The following SLC31A1 variants were observed in gnomAD, a reference collection of about 807,000 sequenced individuals.
The protein encoded by SLC31A1 is solute carrier family 31 member 1, also known as high affinity copper uptake protein 1.
A neutral mutation model predicts 17.2 loss-of-function variants in SLC31A1; 5 were observed. That is an observed-to-expected ratio of 0.29 (90% confidence interval 0.15 to 0.61). The LOEUF (loss-of-function observed/expected upper bound fraction) is 0.61, where lower values mean the gene tolerates loss of function less well. SLC31A1 is among the 20% of genes least tolerant of loss of function. The probability of loss-of-function intolerance (pLI) is 0.86; values close to 1 mark genes in which losing one functional copy is unlikely to be tolerated. For synonymous variants in SLC31A1, 76 were observed against 78.8 expected (o/e 0.96, Z 0.19); for missense variants, 161 against 241.4 (o/e 0.67, Z 2.21).
Position 113,261,472 on chromosome 9 carries a change from A to C in SLC31A1, c.*999A>C, listed in dbSNP as rs1183872962. 2 of 152,654 alleles carry C rather than the reference A, an allele frequency of 1.3e-5. No individual in the cohort carries two copies. Among genetic ancestry groups the C allele is most frequent in the Non-Finnish European group, 2.9e-5 (2 of 68,044 alleles). 9.5% of individuals were successfully genotyped at this position (152,654 alleles called of 1,614,324 possible). On this transcript the variant is annotated 3_prime_UTR_variant, in exon 5 of 5. Coordinates refer to ENST00000374212, the MANE Select transcript of SLC31A1 (RefSeq NM_001859.4). ...CCCACTTAACACTTTGATTAGCATG[A>C]ACTTGCCAATCAAAAAATGACAATC...
intron 1 of SLC31A1, chr9:113,223,327 TA>T (rs5900047): frequency 0.39 from 121,290 of 314,524 alleles, 11,590 homozygotes; most frequent in African/African-American, 0.42. Context: ...TGGGTGCACC[TA>T]AAAAAAAAAA....
At chr9:113,253,958 C>CTTTTTTTTTTTTTTTTTTT (rs397967653) in intron 1 of SLC31A1, among the ~76,000 whole-genome samples, 1 of 110,418 alleles carries the variant, frequency 9.1e-6, no homozygotes, top group African/African-American at 3.5e-5. Flanking sequence ...TACCCACAGT[C>CTTTTTTTTTTTTTTTTTTT]TTTTTTTTTT....
chr9:113,257,941 T>C (rs1387001675), intron 3 of SLC31A1, among the ~76,000 whole-genome samples: 7 of 152,206 alleles, frequency 4.6e-5, no homozygotes, highest in Non-Finnish European at 7.3e-5. Flanking sequence ...CCATCAATCA[T>C]AGAGTTAATA....
intron 1 of SLC31A1, among the ~76,000 whole-genome samples, chr9:113,242,450 G>T (rs1303968104): frequency 2.0e-5 from 3 of 152,176 alleles, no homozygotes; most frequent in Non-Finnish European, 4.4e-5. Context: ...GCCCAGGCTG[G>T]AGTACAGTGG....
chr9:113,256,340 G>T (rs2086327231), intron 2 of SLC31A1, 63 bp downstream of exon 2: 1 of 1,581,910 alleles, frequency 6.3e-7, no homozygotes, highest in Non-Finnish European at 8.7e-7. Context: ...AGAAATAATG[G>T]AATTTTAGTA....
intron 1 of SLC31A1, among the ~76,000 whole-genome samples, chr9:113,241,225 A>C (rs1047393241): frequency 1.3e-5 from 2 of 152,096 alleles, no homozygotes; most frequent in African/African-American, 4.8e-5. Flanking sequence ...TTGGGGGTGA[A>C]GATACTTAGG....
intron 1 of SLC31A1, among the ~76,000 whole-genome samples, chr9:113,253,346 C>T (rs1216977924): frequency 4.6e-5 from 7 of 152,120 alleles, no homozygotes; most frequent in Admixed American, 4.6e-4. Flanking sequence ...ACCATAATTA[C>T]CTCTTTATCT....
At chr9:113,228,508 G>A (rs2118983299) in intron 1 of SLC31A1, among the ~76,000 whole-genome samples, 1 of 152,302 alleles carries the variant, frequency 6.6e-6, no homozygotes, top group African/African-American at 2.4e-5. Flanking sequence ...ATTAGAACCA[G>A]GCAAATAAAA....
At chr9:113,241,134 A>G (rs1050321631) in intron 1 of SLC31A1, among the ~76,000 whole-genome samples, 2 of 152,024 alleles carry the variant, frequency 1.3e-5, no homozygotes, top group African/African-American at 4.8e-5. Flanking sequence ...GAGTAGATTG[A>G]GATAAGGCTG....
In SLC31A1 at chr9:113,260,784, G is replaced by A. The variant is rs185791269; in HGVS notation, c.*311G>A. On this transcript the variant is annotated 3_prime_UTR_variant, in exon 5 of 5. Coordinates refer to ENST00000374212, the MANE Select transcript of SLC31A1 (RefSeq NM_001859.4). Reference sequence around the variant, plus strand: ...AGTTATATGTTCTTGTCTAATCCATGTAGCTTTTTGTTCAATGACTTGATC... The same window carrying A: ...AGTTATATGTTCTTGTCTAATCCATATAGCTTTTTGTTCAATGACTTGATC... 2 of 372,778 alleles carry A rather than the reference G, an allele frequency of 5.4e-6. No individual in the cohort carries two copies. The highest frequency in any genetic ancestry group is 7.8e-5 in the Admixed American group (2 of 25,788). The allele number at this position is 372,778 out of a possible 1,614,324, so 23.1% of individuals were successfully genotyped here.
chr9:113,246,832 G>T (rs1030678825), intron 1 of SLC31A1, among the ~76,000 whole-genome samples: 5 of 151,502 alleles, frequency 3.3e-5, no homozygotes, highest in African/African-American at 1.2e-4. Flanking sequence ...TAGAGATGGG[G>T]TTTTGCCATG....
At chr9:113,242,692 G>A (rs1018205003) in intron 1 of SLC31A1, among the ~76,000 whole-genome samples, 2 of 152,146 alleles carry the variant, frequency 1.3e-5, no homozygotes, top group Non-Finnish European at 2.9e-5. Context: ...TTACAGGCAT[G>A]AGCCACCATG....
intron 1 of SLC31A1, among the ~76,000 whole-genome samples, chr9:113,226,845 G>A (rs2118981436): frequency 6.6e-6 from 1 of 152,276 alleles, no homozygotes; most frequent in Non-Finnish European, 1.5e-5. Context: ...GCAGTTTACA[G>A]CATCTAGAAT....
chr9:113,263,588 C>T lies in SLC31A1; in HGVS notation c.*3115C>T, dbSNP rs1374380060. On this transcript the variant is annotated 3_prime_UTR_variant, in exon 5 of 5. Coordinates refer to ENST00000374212, the MANE Select transcript of SLC31A1 (RefSeq NM_001859.4). ...TAATCGCATGTCTAGTATATTAAGT[C>T]TCCATAGCCCTCCTGATGCAGTAGA... is the stretch of plus-strand genomic sequence containing the variant. The T allele has an allele frequency of 1.3e-5, 2 of 152,618 alleles. No individual in the cohort carries two copies. Among genetic ancestry groups the T allele is most frequent in the African/African-American group, 4.8e-5 (2 of 41,494 alleles). The allele number at this position is 152,618 out of a possible 1,614,324, so 9.5% of individuals were successfully genotyped here.
At chr9:113,250,919 A>C (rs1365576835) in intron 1 of SLC31A1, among the ~76,000 whole-genome samples, 2 of 152,126 alleles carry the variant, frequency 1.3e-5, no homozygotes, top group Non-Finnish European at 2.9e-5. Flanking sequence ...TTGGGTTGCT[A>C]TAAAGTGAGC....
chr9:113,251,646 G>T (rs1030498632), intron 1 of SLC31A1, among the ~76,000 whole-genome samples: 1 of 152,124 alleles, frequency 6.6e-6, no homozygotes, highest in Non-Finnish European at 1.5e-5. Context: ...TGCTTTAGAA[G>T]ATAACTTATC....
rs529671710 is a variant in SLC31A1 at position 113,223,902 on chromosome 9, G to T, written c.-36+2224G>T. 2.0e-4 allele frequency among the ~76,000 whole-genome samples: 30 copies of T among 152,266 alleles called. No individual in the cohort carries two copies. In the South Asian group the frequency reaches 5.6e-3, roughly 28 times the overall value. On this transcript the variant is annotated intron_variant, in intron 1 of 4. Coordinates refer to ENST00000374212, the MANE Select transcript of SLC31A1 (RefSeq NM_001859.4). ...GGTTCTAGGGGATCTATAACATTCCGTTCACTCAGTCACTGAAAGCAGACT... is the reference window on the plus strand; with the variant it reads ...GGTTCTAGGGGATCTATAACATTCCTTTCACTCAGTCACTGAAAGCAGACT...
intron 1 of SLC31A1, among the ~76,000 whole-genome samples, chr9:113,234,058 T>TC (rs1193177988): frequency 6.6e-6 from 1 of 152,136 alleles, no homozygotes; most frequent in African/African-American, 2.4e-5. Flanking sequence ...CTGTCTTCAA[T>TC]CCCACCCTCA....
chr9:113,222,874 C>G (rs1434102685), intron 1 of SLC31A1, among the ~76,000 whole-genome samples: 1 of 152,242 alleles, frequency 6.6e-6, no homozygotes, highest in South Asian at 2.1e-4. Context: ...TAATCCCTCT[C>G]CCCAACACCG....
Sources: allele counts gnomAD v4.1 joint callset (sites outside exome capture counted in the v4.1 genomes callset), GRCh38; gene constraint gnomAD v4.1.1; transcripts MANE v1.5; gene names NCBI Gene and HGNC (gene_info 2026-07-23, HGNC 2026-07-21).